Variants in ANK2 observed in about 807,000 individuals in gnomAD.
ANK2 encodes ankyrin-2.
Under a neutral mutation model 360.5 loss-of-function variants are expected in ANK2, and 83 were observed. The observed-to-expected ratio is 0.23, with a 90% CI of 0.19 to 0.28. The LOEUF (loss-of-function observed/expected upper bound fraction) is 0.28, where lower values mean the gene tolerates loss of function less well. Ranked by LOEUF, ANK2 falls within the 10% of genes least tolerant of loss-of-function variation. The probability of loss-of-function intolerance (pLI) is 1.00; values close to 1 mark genes in which losing one functional copy is unlikely to be tolerated. For synonymous variants in ANK2, 1,740 were observed against 1,759.5 expected (o/e 0.99, Z 0.28); for missense variants, 4,201 against 4,795.7 (o/e 0.88, Z 3.66).
At chr4:112,907,475 C>T (rs889659878) in intron 2 of ANK2, among the ~76,000 whole-genome samples, 1 of 152,160 alleles carries the variant, frequency 6.6e-6, no homozygotes, top group Non-Finnish European at 1.5e-5. Flanking sequence ...GTGGAACCCA[C>T]CCACTTATCC....
In ANK2 at chr4:113,277,886, T is replaced by C; in HGVS notation, c.1733T>C (p.Val578Ala). The C allele has an allele frequency of 6.2e-7, 1 of 1,614,106 alleles. No homozygotes were observed. Among genetic ancestry groups the C allele is most frequent in the Non-Finnish European group, 8.5e-7 (1 of 1,179,940 alleles). Residue 578 changes from valine (V) to alanine (A), a missense_variant, in exon 16 of 46, where the codon GTG (valine) becomes GCG (alanine). Val to Ala is a moderately conservative substitution (Grantham distance 64, BLOSUM62 0). Around this residue, in one of 4 missense-constraint regions of ANK2, gnomAD observed 1,268 missense variants for 1,650.8 expected, o/e 0.77. Transcript: ENST00000357077. The part of the protein sequence containing the change: ...HVAAKYGSLD[V>A]AKLLLQRRAA... ...GCAGCCAAGTATGGAAGCCTGGATG[T>C]GGCAAAACTTCTCTTGCAACGCCGT...
chr4:113,264,991 C>G lies in ANK2; in HGVS notation c.1481C>G (p.Ala494Gly), dbSNP rs1320297876. Residue 494 changes from alanine to glycine, a missense_variant, in exon 14 of 46, where the codon GCC becomes GGC. Coordinates refer to ENST00000357077, the MANE Select transcript of ANK2 (RefSeq NM_001148.6). ...AATGGTGCCCTTGTTGATGCCAGAG[C>G]CAGGGTAGGTACTGGTGCCCTGAGG... ...LRNGALVDAR[A>G]REEQTPLHIA... The G allele has an allele frequency of 6.4e-7, 1 of 1,559,644 alleles. No individual in the cohort carries two copies. The highest frequency in any genetic ancestry group is 2.4e-5 in the East Asian group (1 of 42,110).
intron 4 of ANK2, 132 bp from the exon 5 acceptor site, chr4:113,232,029 A>T: frequency 1.4e-6 from 1 of 690,966 alleles, no homozygotes; most frequent in Admixed American, 2.1e-5. Context: ...CTAGCTTTAT[A>T]ATGATAAATA....
chr4:113,381,307 A>G, intron 45 of ANK2, 150 bp from the exon 46 acceptor site: 1 of 801,592 alleles, frequency 1.2e-6, no homozygotes, highest in Non-Finnish European at 2.1e-6. Flanking sequence ...AGACACAAAA[A>G]GATGTCTATA....
At chr4:112,857,522 T>A (rs2066736358) in intron 1 of ANK2, among the ~76,000 whole-genome samples, 1 of 152,184 alleles carries the variant, frequency 6.6e-6, no homozygotes, top group African/African-American at 2.4e-5. Context: ...TTCTTGTATA[T>A]CATGTTTAAA....
At chr4:112,980,642 G>C (rs1319729569) in intron 2 of ANK2, 3 of 152,202 alleles carry the variant, frequency 2.0e-5, no homozygotes, top group African/African-American at 7.2e-5. Context: ...TGGACTGAAT[G>C]CTGTAATCAA....
the ANK2 span, among the ~76,000 whole-genome samples, chr4:112,750,791 A>G: frequency 6.6e-6 from 1 of 151,572 alleles, no homozygotes; most frequent in South Asian, 2.1e-4. Flanking sequence ...GCAGTGGTGC[A>G]GTCTTGGCTC....
intron 2 of ANK2, among the ~76,000 whole-genome samples, chr4:112,944,197 G>T (rs1581632574): frequency 6.6e-6 from 1 of 152,020 alleles, no homozygotes; most frequent in Non-Finnish European, 1.5e-5. Context: ...CATTTATTAT[G>T]GCTTTTTCCT....
chr4:112,995,826 A>G (rs1341886223), intron 2 of ANK2, among the ~76,000 whole-genome samples: 3 of 152,192 alleles, frequency 2.0e-5, no homozygotes, highest in African/African-American at 7.2e-5. Context: ...ATTTTGATGT[A>G]TAATTTGCTT....
At chr4:113,015,049 G>A (rs1275465798) in intron 2 of ANK2, among the ~76,000 whole-genome samples, 1 of 151,590 alleles carries the variant, frequency 6.6e-6, no homozygotes, top group Non-Finnish European at 1.5e-5. Flanking sequence ...TAGTAGAGGC[G>A]GGATTTCACT....
At chr4:113,227,995 G>A (rs1346500140) in intron 4 of ANK2, among the ~76,000 whole-genome samples, 1 of 152,106 alleles carries the variant, frequency 6.6e-6, no homozygotes. Context: ...AGCTCAATAA[G>A]TCACATTCAT....
At chr4:112,955,343 T>G (rs2095279475) in intron 2 of ANK2, among the ~76,000 whole-genome samples, 3 of 152,292 alleles carry the variant, frequency 2.0e-5, no homozygotes, top group African/African-American at 7.2e-5. Flanking sequence ...CTTTTACTTC[T>G]AGTATAATTA....
At chr4:113,064,370 C>T (rs1346947833) in intron 1 of ANK2, among the ~76,000 whole-genome samples, 5 of 152,114 alleles carry the variant, frequency 3.3e-5, no homozygotes, top group South Asian at 4.1e-4. Context: ...CTGTTTTAAT[C>T]GTATTTACCA....
intron 2 of ANK2, among the ~76,000 whole-genome samples, chr4:112,958,367 G>A (rs987276386): frequency 6.6e-6 from 1 of 152,208 alleles, no homozygotes; most frequent in Non-Finnish European, 1.5e-5. Flanking sequence ...CGAGGCTGGC[G>A]GATCACTCGC....
chr4:113,258,032 T>C lies in ANK2; in HGVS notation c.1189-18T>C, dbSNP rs1586370999. 3 of 1,606,586 alleles carry C rather than the reference T, an allele frequency of 1.9e-6. No individual in the cohort carries two copies. Among genetic ancestry groups the C allele is most frequent in the Non-Finnish European group, 2.6e-6 (3 of 1,173,120 alleles). On this transcript the variant is annotated intron_variant, in intron 11 of 45. Coordinates refer to ENST00000357077, the MANE Select transcript of ANK2 (RefSeq NM_001148.6). The stretch of plus-strand genomic sequence containing the variant: ...TGTTTCTGCATGTTTTCAACTAACT[T>C]GATTGTCTTTTGCACAGAATGGTTT...
chr4:112,937,328 C>CTTTT lies in ANK2; in HGVS notation c.21+32827_21+32830dup, dbSNP rs10712090. Among the ~76,000 whole-genome samples the CTTTT allele has an allele frequency of 6.5e-5, 9 of 138,430 alleles. No individual in the cohort carries two copies. The South Asian group carries it at 2.1e-3, about 32-fold the overall frequency. 90.8% of individuals were successfully genotyped at this position (138,430 alleles called of 152,430 possible). On this transcript the variant is annotated intron_variant, in intron 2 of 30. Coordinates refer to the ANK2 transcript ENST00000503271. ...TTCTTTGTAAAACCACAATTATTGTCTTTTTTTTTTTTTTTTGAGACACAG... is the reference window on the plus strand; with the variant it reads ...TTCTTTGTAAAACCACAATTATTGTCTTTTTTTTTTTTTTTTTTTTGAGACACAG...
rs952069631 is a variant in ANK2 at position 113,269,323 on chromosome 4, GA to G, written c.1485+4336del. 7.2e-5 allele frequency among the ~76,000 whole-genome samples: 11 copies of G among 152,110 alleles called. No homozygotes were observed. The South Asian group carries it at 1.0e-3, about 14-fold the overall frequency. The stretch of plus-strand genomic sequence containing the variant: ...GGCGTTCCAGGCGCCACGGTGGTAT[GA>G]AAAAAAACTCCTGTAGCTAGCTCAA... On this transcript the variant is annotated intron_variant, in intron 14 of 45. Transcript: ENST00000357077.
At chr4:113,365,528 C>T (rs2096489381) in intron 41 of ANK2, among the ~76,000 whole-genome samples, 1 of 152,142 alleles carries the variant, frequency 6.6e-6, no homozygotes, top group Non-Finnish European at 1.5e-5. Flanking sequence ...TATATCACTA[C>T]CAGTGACTGT....
rs187190751 is a variant in ANK2, at chr4:112,900,698, C to G, written c.-39-3757C>G. Among the ~76,000 whole-genome samples, 24 of 152,296 alleles carry G rather than the reference C, an allele frequency of 1.6e-4. No individual in the cohort carries two copies. The East Asian group carries it at 4.6e-3, about 29-fold the overall frequency. On this transcript the variant is annotated intron_variant, in intron 1 of 30. Coordinates refer to the ANK2 transcript ENST00000503271. Reference sequence around the variant, plus strand: ...TCCCTCTTTCCATCTTTCTCCTTCCCCCCAATTTCCATTTCTATTCTGTCC... The same window carrying G: ...TCCCTCTTTCCATCTTTCTCCTTCCGCCCAATTTCCATTTCTATTCTGTCC...
Sources: allele counts gnomAD v4.1 joint callset (sites outside exome capture counted in the v4.1 genomes callset), GRCh38; gene constraint gnomAD v4.1.1; regional missense constraint gnomAD v4.1.1; transcripts MANE v1.5; gene names NCBI Gene and HGNC (gene_info 2026-07-23, HGNC 2026-07-21).